Variants in EIF4G3 observed in about 807,000 individuals in gnomAD.
EIF4G3 encodes the protein eIF-4-gamma 3.
A neutral mutation model predicts 186.4 loss-of-function variants in EIF4G3; 34 were observed. The ratio of observed to expected loss-of-function variants is 0.18; its 90% confidence interval spans 0.14 to 0.24. The LOEUF (loss-of-function observed/expected upper bound fraction) is 0.24, where lower values mean the gene tolerates loss of function less well. EIF4G3 is among the 10% of genes least tolerant of loss of function. The probability of loss-of-function intolerance (pLI) is 1.00; values close to 1 mark genes in which losing one functional copy is unlikely to be tolerated. For missense variants in EIF4G3, 1,536 were observed against 1,948.5 expected (o/e 0.79, Z 3.99); for synonymous variants, 673 against 679.5 (o/e 0.99, Z 0.15).
rs985103211 is a variant in EIF4G3, at chr1:20,851,056, A to T, written c.3772+202T>A. Among the ~76,000 whole-genome samples, 14 of 152,236 alleles carry T rather than the reference A, an allele frequency of 9.2e-5. 1 individual carries two copies. The highest frequency in any genetic ancestry group is 2.1e-4 in the Non-Finnish European group (14 of 68,034). On this transcript the variant is annotated intron_variant, in intron 28 of 36. Transcript: ENST00000602326. ...CCATAACATTTAATAGAGAAAGGAG[A>T]AAATTTACAAACTGTTCAGCTAAGG...
intron 13 of EIF4G3, among the ~76,000 whole-genome samples, chr1:20,943,970 T>TG (rs2095822521): frequency 1.6e-4 from 13 of 80,372 alleles, no homozygotes; most frequent in African/African-American, 2.9e-4. Flanking sequence ...TGTCTTTATT[T>TG]TTTTTGTGTG....
chr1:20,856,884 C>T lies in EIF4G3; in HGVS notation c.3339+519G>A, dbSNP rs192556101. On this transcript the variant is annotated intron_variant, in intron 25 of 36. Transcript: ENST00000602326. Reference sequence around the variant, plus strand: ...ATCCTTATAGAAGTAGAAATGAGGCCGGGCGCGGTGGCTCACGCCTGTAAT... The same window carrying T: ...ATCCTTATAGAAGTAGAAATGAGGCTGGGCGCGGTGGCTCACGCCTGTAAT... Among the ~76,000 whole-genome samples, 585 of 152,140 alleles carry T rather than the reference C, an allele frequency of 3.8e-3. 7 individuals are homozygous for T. Among genetic ancestry groups the T allele is most frequent in the African/African-American group, 0.014 (562 of 41,526 alleles).
At chr1:20,968,625 G>C (rs956450110) in intron 12 of EIF4G3, among the ~76,000 whole-genome samples, 2 of 152,076 alleles carry the variant, frequency 1.3e-5, no homozygotes, top group African/African-American at 4.8e-5. Context: ...TCACCAGGAA[G>C]AAAAAGGTGC....
intron 2 of EIF4G3, among the ~76,000 whole-genome samples, chr1:21,157,380 T>G (rs574854762): frequency 6.2e-4 from 94 of 152,272 alleles, no homozygotes; most frequent in African/African-American, 1.4e-3. Flanking sequence ...TTGTTTGTTT[T>G]TTTTTAAGAG....
chr1:21,145,561 A>T (rs892483850), intron 2 of EIF4G3, among the ~76,000 whole-genome samples: 1 of 152,098 alleles, frequency 6.6e-6, no homozygotes, highest in South Asian at 2.1e-4. Context: ...CACCCCACCT[A>T]GCTATGCTAC....
intron 3 of EIF4G3, among the ~76,000 whole-genome samples, chr1:21,078,038 A>G (rs1381240242): frequency 6.6e-6 from 1 of 152,160 alleles, no homozygotes; most frequent in African/African-American, 2.4e-5. Flanking sequence ...TGATCCAGCA[A>G]TCTCACTGCT....
chr1:21,151,833 TAG>T (rs2097556718), intron 2 of EIF4G3, among the ~76,000 whole-genome samples: 1 of 152,122 alleles, frequency 6.6e-6, no homozygotes, highest in African/African-American at 2.4e-5. Context: ...TTACATTACC[TAG>T]GGCCACAAGA....
At position 20,851,246 on chromosome 1, in the gene EIF4G3, C is replaced by G. The variant is rs1165772366; in HGVS notation, c.3772+12G>C. The G allele has an allele frequency of 3.7e-6, 6 of 1,613,278 alleles. No homozygotes were observed. Among genetic ancestry groups the G allele is most frequent in the Non-Finnish European group, 5.1e-6 (6 of 1,179,598 alleles). On this transcript the variant is annotated intron_variant, in intron 28 of 36. Transcript: ENST00000602326. Reference sequence around the variant, plus strand: ...AACCCAAATCTGCATCTGTTTAAGCCAAGTCTCTCACCTGACTCCCTTGTT... The same window carrying G: ...AACCCAAATCTGCATCTGTTTAAGCGAAGTCTCTCACCTGACTCCCTTGTT...
At chr1:21,089,648 C>T (rs988383879) in intron 2 of EIF4G3, among the ~76,000 whole-genome samples, 1 of 151,550 alleles carries the variant, frequency 6.6e-6, no homozygotes, top group Non-Finnish European at 1.5e-5. Context: ...CTAAATTAGC[C>T]GAGTGTGGTT....
At chr1:20,807,753 CTGTT>C (rs2058333560) in intron 36 of EIF4G3, among the ~76,000 whole-genome samples, 1 of 60,434 alleles carries the variant, frequency 1.7e-5, no homozygotes, top group African/African-American at 5.8e-5. Flanking sequence ...AACTTTTTTT[CTGTT>C]TTTTTTTTTT....
rs573104870 is a variant in EIF4G3, at chr1:21,053,918, A to G, written c.-195-2924T>C. Among the ~76,000 whole-genome samples the G allele has an allele frequency of 1.8e-3, 270 of 150,792 alleles. 2 individuals carry two copies. Among genetic ancestry groups the G allele is most frequent in the African/African-American group, 6.2e-3 (255 of 41,124 alleles). The stretch of plus-strand genomic sequence containing the variant: ...GGGGCGCCTCTGCCCGGCCGCCCCT[A>G]CTGGGAAGTGAGGAGCCCCTCTGCC... On this transcript the variant is annotated intron_variant, in intron 3 of 36. Coordinates refer to ENST00000602326, the MANE Select transcript of EIF4G3 (RefSeq NM_001391906.1).
chr1:20,955,186 G>A (rs2096374389), intron 12 of EIF4G3, among the ~76,000 whole-genome samples: 1 of 151,980 alleles, frequency 6.6e-6, no homozygotes, highest in South Asian at 2.1e-4. Flanking sequence ...GCAAGCCAGG[G>A]CCAGGTTTTA....
intron 18 of EIF4G3, among the ~76,000 whole-genome samples, chr1:20,892,383 G>A (rs1210539737): frequency 2.6e-5 from 4 of 152,160 alleles, no homozygotes; most frequent in Admixed American, 1.3e-4. Flanking sequence ...AGAGCCTGCC[G>A]AATCCTGCAC....
intron 28 of EIF4G3, 70 bp downstream of exon 28, chr1:20,851,188 C>T: frequency 1.4e-6 from 2 of 1,417,984 alleles, no homozygotes; most frequent in Non-Finnish European, 9.9e-7. Context: ...TACTCAGGCA[C>T]AGTCTCTTTT....
At chr1:20,894,056 C>A (rs1182727131) in intron 17 of EIF4G3, among the ~76,000 whole-genome samples, 1 of 151,918 alleles carries the variant, frequency 6.6e-6, no homozygotes, top group Admixed American at 6.6e-5. Flanking sequence ...AGTTTTGATG[C>A]TGTAGACTTA....
intron 2 of EIF4G3, among the ~76,000 whole-genome samples, chr1:21,118,930 TTA>T (rs1491403382): frequency 3.2e-5 from 2 of 62,802 alleles, no homozygotes; most frequent in Non-Finnish European, 6.6e-5. Context: ...CCAAGCTCTA[TTA>T]AAAAAAAAAA....
chr1:21,156,985 G>A (rs1340202353), intron 2 of EIF4G3, among the ~76,000 whole-genome samples: 4 of 152,130 alleles, frequency 2.6e-5, no homozygotes, highest in Non-Finnish European at 5.9e-5. Context: ...GTGAGCCTGA[G>A]AGGTCGAGGC....
intron 4 of EIF4G3, among the ~76,000 whole-genome samples, chr1:21,021,371 G>A (rs2090634018): frequency 1.3e-5 from 2 of 152,112 alleles, no homozygotes; most frequent in African/African-American, 4.8e-5. Flanking sequence ...GCACCTCTGA[G>A]AGCAAGAATA....
At chr1:21,074,859 G>C (rs2095539098) in intron 3 of EIF4G3, among the ~76,000 whole-genome samples, 1 of 152,158 alleles carries the variant, frequency 6.6e-6, no homozygotes, top group South Asian at 2.1e-4. Context: ...AGAATCGCTT[G>C]AGCCCAGGAG....
Sources: gnomAD v4.1 joint callset for allele counts (sites outside exome capture counted in the v4.1 genomes callset) on GRCh38, gnomAD v4.1.1 for gene constraint, MANE v1.5 for transcripts, NCBI Gene and HGNC (gene_info 2026-07-23, HGNC 2026-07-21) for gene names.